Variants in GFRA1 observed in about 807,000 individuals in gnomAD.
GFRA1 encodes GDNF family receptor alpha 1.
Under a neutral mutation model 51.6 loss-of-function variants are expected in GFRA1, and 16 were observed. The observed-to-expected ratio is 0.31, with a 90% CI of 0.21 to 0.47. GFRA1 has a LOEUF of 0.47. Among genes scored for constraint, GFRA1 ranks in the 20% least tolerant of loss-of-function variants. The probability of loss-of-function intolerance (pLI) is 1.00; values close to 1 mark genes in which losing one functional copy is unlikely to be tolerated. For synonymous variants in GFRA1, 270 were observed against 241.3 expected, an observed-to-expected ratio of 1.12 and a Z score of -1.10; for missense variants, 530 against 594.3, an observed-to-expected ratio of 0.89 and a Z score of 1.13.
intron 4 of GFRA1, chr10:116,226,831 C>T (rs1379351320): frequency 2.7e-5 from 10 of 364,418 alleles, no homozygotes; most frequent in Non-Finnish European, 5.5e-5. Context: ...GACAGATCAT[C>T]AGGTATTAGA....
chr10:116,092,578 G>C (rs1956396242), intron 8 of GFRA1, among the ~76,000 whole-genome samples: 1 of 152,058 alleles, frequency 6.6e-6, no homozygotes, highest in African/African-American at 2.4e-5. Context: ...CATGGTTCCT[G>C]AAGTTCAGGC....
intron 4 of GFRA1, among the ~76,000 whole-genome samples, chr10:116,262,783 C>T (rs910380299): frequency 2.0e-5 from 3 of 152,120 alleles, no homozygotes; most frequent in African/African-American, 7.2e-5. Flanking sequence ...CCTTTGCAGA[C>T]GGAAGCATCT....
chr10:116,131,829 G>C (rs1017707720), intron 5 of GFRA1, among the ~76,000 whole-genome samples: 1 of 148,556 alleles, frequency 6.7e-6, no homozygotes, highest in Non-Finnish European at 1.5e-5. Flanking sequence ...ATAATGGCTT[G>C]TGTTGAACAG....
intron 5 of GFRA1, among the ~76,000 whole-genome samples, chr10:116,164,610 G>A (rs1960182118): frequency 6.6e-6 from 1 of 152,182 alleles, no homozygotes; most frequent in South Asian, 2.1e-4. Flanking sequence ...CTCATTCAGT[G>A]TTGGGTCTTT....
At chr10:116,200,112 A>G (rs2134382751) in intron 5 of GFRA1, among the ~76,000 whole-genome samples, 1 of 152,280 alleles carries the variant, frequency 6.6e-6, no homozygotes, top group East Asian at 1.9e-4. Flanking sequence ...CCTTTCTCCT[A>G]CTGATGGACA....
chr10:116,121,803 C>G (rs1299943242), intron 6 of GFRA1, among the ~76,000 whole-genome samples: 1 of 152,088 alleles, frequency 6.6e-6, no homozygotes, highest in East Asian at 1.9e-4. Flanking sequence ...AGGGTTATAG[C>G]AACTGTAATG....
In GFRA1 at chr10:116,254,506, A is replaced by C. The variant is rs548196714; in HGVS notation, c.418+14997T>G. Among the ~76,000 whole-genome samples, 210 of 119,578 alleles carry C rather than the reference A, an allele frequency of 1.8e-3. 1 individual carries two copies. The highest frequency in any genetic ancestry group is 4.1e-3 in the Middle Eastern group (1 of 242). 78.4% of individuals were successfully genotyped at this position (119,578 alleles called of 152,430 possible). ...AGCAGCAGAGTGAGACCCTGACTCT[A>C]TTAAAAAAAAAAAGAAGAAGAAAAA... On this transcript the variant is annotated intron_variant, in intron 4 of 10. Transcript: ENST00000355422.
chr10:116,119,301 C>T (rs572268159), intron 6 of GFRA1, among the ~76,000 whole-genome samples: 1 of 152,218 alleles, frequency 6.6e-6, no homozygotes, highest in East Asian at 1.9e-4. Context: ...GTCCAGCGGC[C>T]CCCAGAGCAG....
intron 5 of GFRA1, among the ~76,000 whole-genome samples, chr10:116,169,688 C>G (rs1398811584): frequency 2.0e-5 from 3 of 152,196 alleles, no homozygotes; most frequent in Admixed American, 2.0e-4. Context: ...ACTCCATCCC[C>G]TTTCCAGCTC....
At position 116,270,936 on chromosome 10, in the gene GFRA1, T is replaced by G; in HGVS notation, c.220A>C (p.Ser74Arg). 6.2e-7 allele frequency: 1 copy of G among 1,614,190 alleles called. No homozygotes were observed. Residue 74 changes from serine (S) to arginine (R), a missense_variant, in exon 3 of 11, where the codon AGC becomes CGC. Physicochemically the swap from Ser to Arg is moderately radical, Grantham distance 110. Coordinates refer to ENST00000355422, the MANE Select transcript of GFRA1 (RefSeq NM_005264.8). ...TTCTGCTTCAGGGCCTCCATGGCGC[T>G]GCGGCACTCATCCTTGGCCTCCAGG... ...SGLEAKDECR[S>R]AMEALKQKSL...
chr10:116,079,106 A>T (rs902303528), intron 9 of GFRA1, among the ~76,000 whole-genome samples: 2 of 151,958 alleles, frequency 1.3e-5, no homozygotes, highest in Non-Finnish European at 2.9e-5. Context: ...CCAGAAGGTG[A>T]TGGTGTGAGG....
intron 4 of GFRA1, among the ~76,000 whole-genome samples, chr10:116,240,051 T>C (rs1049272297): frequency 3.3e-5 from 5 of 152,148 alleles, no homozygotes; most frequent in Non-Finnish European, 7.4e-5. Context: ...TGTTCGTCGA[T>C]TTCTCTATGA....
At chr10:116,094,110 G>A (rs533763035) in intron 7 of GFRA1, among the ~76,000 whole-genome samples, 33 of 152,314 alleles carry the variant, frequency 2.2e-4, no homozygotes, top group African/African-American at 7.7e-4. Flanking sequence ...ATGTCGTGGA[G>A]TAGGAAAGAA....
chr10:116,185,302 G>A (rs762422663), intron 5 of GFRA1, among the ~76,000 whole-genome samples: 24 of 152,178 alleles, frequency 1.6e-4, no homozygotes, highest in African/African-American at 5.1e-4. Context: ...CTTTGGAGGA[G>A]CTGTGTATTT....
At chr10:116,137,114 C>G (rs1033869882) in intron 5 of GFRA1, among the ~76,000 whole-genome samples, 8 of 152,168 alleles carry the variant, frequency 5.3e-5, no homozygotes, top group African/African-American at 1.9e-4. Context: ...TTCCTCCCAA[C>G]AGCTAGAGCA....
chr10:116,273,669 CTG>C (rs1491410211), upstream of GFRA1, among the ~76,000 whole-genome samples: 1,425 of 65,128 alleles, frequency 0.022, 14 homozygotes, highest in African/African-American at 0.086. Context: ...CTCTCTCTCT[CTG>C]TCTCTCTCTC....
chr10:116,126,136 C>T (rs1479429017), intron 5 of GFRA1, among the ~76,000 whole-genome samples: 2 of 152,170 alleles, frequency 1.3e-5, no homozygotes, highest in Non-Finnish European at 2.9e-5. Context: ...GCTCGCAGGG[C>T]GTTGGAAGAA....
At chr10:116,234,471 C>A (rs1966843136) in intron 4 of GFRA1, among the ~76,000 whole-genome samples, 1 of 152,202 alleles carries the variant, frequency 6.6e-6, no homozygotes, top group Admixed American at 6.5e-5. Flanking sequence ...AAAGAGACCT[C>A]ACTCAAAGAA....
rs763278976 is a variant in GFRA1, at chr10:116,271,123, G to T, written c.41-8C>A. ...CGGCCGACAGGAGCAAGTCTGCGGG[G>T]CAGAGGGGAGGGAGCCTGAGTGCGG... On this transcript the variant is annotated splice_region_variant and splice_polypyrimidine_tract_variant and intron_variant, in intron 2 of 10. Transcript: ENST00000355422. The T allele has an allele frequency of 1.9e-6, 3 of 1,597,918 alleles. No individual in the cohort carries two copies. The highest frequency in any genetic ancestry group is 1.3e-5 in the African/African-American group (1 of 74,586).
Sources: allele counts gnomAD v4.1 joint callset (sites outside exome capture counted in the v4.1 genomes callset), GRCh38; gene constraint gnomAD v4.1.1; transcripts MANE v1.5; gene names NCBI Gene and HGNC (gene_info 2026-07-23, HGNC 2026-07-21).